The following H6PD variants were observed in gnomAD, a reference collection of about 807,000 sequenced individuals.
H6PD encodes GDH/6PGL endoplasmic bifunctional protein.
Under a neutral mutation model 61.2 loss-of-function variants are expected in H6PD, and 48 were observed. The ratio of observed to expected loss-of-function variants is 0.78; its 90% CI spans 0.62 to 1.00. The LOEUF is 1.00. Among genes scored for constraint, H6PD ranks in the 50% least tolerant of loss-of-function variants. The pLI, the probability that H6PD is intolerant of heterozygous loss-of-function variation, is 0.00. For synonymous variants in H6PD, 480 were observed against 457.9 expected, an observed-to-expected ratio of 1.05 and a Z score of -0.62; for missense variants, 1,093 against 1,065.0, an observed-to-expected ratio of 1.03 and a Z score of -0.37.
chr1:9,244,108 G>A (rs1641087012), intron 1 of H6PD, among the ~76,000 whole-genome samples: 1 of 152,160 alleles, frequency 6.6e-6, no homozygotes, highest in African/African-American at 2.4e-5. Context: ...GATTCATTGA[G>A]CTCTAATACA....
intron 3 of H6PD, among the ~76,000 whole-genome samples, chr1:9,259,762 C>T (rs1641656376): frequency 6.6e-6 from 1 of 151,198 alleles, no homozygotes; most frequent in African/African-American, 2.4e-5. Flanking sequence ...TGTTGTTACA[C>T]TGGTGTTACA....
At chr1:9,259,005 T>C (rs1194021706) in intron 3 of H6PD, among the ~76,000 whole-genome samples, 1 of 152,282 alleles carries the variant, frequency 6.6e-6, no homozygotes, top group South Asian at 2.1e-4. Flanking sequence ...TTTGTTTTTG[T>C]TTTTGAGGCA....
In H6PD at chr1:9,260,303, C is replaced by T. The variant is rs578201738; in HGVS notation, c.746-1756C>T. 3.3e-5 allele frequency among the ~76,000 whole-genome samples: 5 copies of T among 151,892 alleles called. No individual in the cohort carries two copies. In the East Asian group the frequency reaches 7.8e-4, roughly 24 times the overall value. On this transcript the variant is annotated intron_variant, in intron 3 of 4. Transcript: ENST00000377403. ...CAGTGCTGTTATGTTGCTGTTGTTA[C>T]GCCAGTGTTGTTATATTGTTGTTAC...
chr1:9,235,259 C>T (rs1190876351), intron 1 of H6PD, among the ~76,000 whole-genome samples, 193 bp downstream of exon 1: 2 of 152,100 alleles, frequency 1.3e-5, no homozygotes, highest in African/African-American at 4.8e-5. Context: ...CCGAGCTGTC[C>T]TTTCCCTGGG....
At chr1:9,239,546 A>C (rs1004356928) in intron 1 of H6PD, among the ~76,000 whole-genome samples, 3 of 152,254 alleles carry the variant, frequency 2.0e-5, no homozygotes, top group Non-Finnish European at 4.4e-5. Context: ...CAACAAAAAC[A>C]AAAACCTTGG....
chr1:9,251,170 C>T (rs1431547693), intron 3 of H6PD, among the ~76,000 whole-genome samples: 1 of 152,188 alleles, frequency 6.6e-6, no homozygotes, highest in Non-Finnish European at 1.5e-5. Flanking sequence ...CCTGGCTGGC[C>T]CTCATCATGG....
At chr1:9,237,501 G>A (rs991801208) in intron 1 of H6PD, among the ~76,000 whole-genome samples, 14 of 152,068 alleles carry the variant, frequency 9.2e-5, no homozygotes, top group African/African-American at 3.4e-4. Context: ...CCAAAGTGCT[G>A]GGATTATAGG....
chr1:9,238,897 G>A (rs762727245), intron 1 of H6PD, among the ~76,000 whole-genome samples: 5 of 152,110 alleles, frequency 3.3e-5, no homozygotes, highest in Non-Finnish European at 7.4e-5. Context: ...ATATTCTGAC[G>A]TTGGCCAACT....
chr1:9,246,480 G>A (rs887668850), intron 2 of H6PD, among the ~76,000 whole-genome samples: 1 of 152,214 alleles, frequency 6.6e-6, no homozygotes, highest in Non-Finnish European at 1.5e-5. Context: ...GTTCTGGTAC[G>A]TGGTGCGGGT....
chr1:9,251,436 CTGTTGTTGTTGT>C lies in H6PD; in HGVS notation c.745+4379_745+4390del, dbSNP rs58988268. On this transcript the variant is annotated intron_variant, in intron 3 of 4. Transcript: ENST00000377403. ...GTTTCCCCTCTGTGTAGAAGGCCTG[CTGTTGTTGTTGT>C]TGTTGTTGTTGTTGTTGTTGTTGTT... Among the ~76,000 whole-genome samples, 462 of 151,242 alleles carry C rather than the reference CTGTTGTTGTTGT, an allele frequency of 3.1e-3. 6 individuals are homozygous for C. The South Asian group carries it at 0.047, about 16-fold the overall frequency.
At chr1:9,252,252 A>G (rs1393325923) in intron 3 of H6PD, among the ~76,000 whole-genome samples, 1 of 152,202 alleles carries the variant, frequency 6.6e-6, no homozygotes, top group African/African-American at 2.4e-5. Context: ...ATATACATAC[A>G]CAGTTGTATA....
chr1:9,264,640 T>G lies in H6PD; in HGVS notation c.2147T>G (p.Val716Gly), dbSNP rs926013288. The G allele has an allele frequency of 5.6e-6, 9 of 1,612,884 alleles. No homozygotes were observed. In the African/African-American group the frequency reaches 1.2e-4, roughly 22 times the overall value. Residue 716 changes from valine (V) to glycine (G), a missense_variant, in exon 5 of 5, where the codon GTC becomes GGC. Transcript: ENST00000377403. ...SPTGLDGEQL[V>G]VLTTSPSQPH... The stretch of plus-strand genomic sequence containing the variant: ...ACTGGCCTGGATGGCGAGCAGCTGG[T>G]CGTGCTGACCACGAGCCCCTCCCAG...
chr1:9,257,996 C>T (rs781536647), intron 3 of H6PD, among the ~76,000 whole-genome samples: 3 of 152,234 alleles, frequency 2.0e-5, no homozygotes, highest in African/African-American at 7.2e-5. Context: ...GGGAGTGGAG[C>T]GGAGCTCGTG....
rs1195608605 is a variant in H6PD, at chr1:9,234,787, GC to G, written c.-289del. The G allele has an allele frequency of 1.4e-5, 2 of 146,452 alleles. No homozygotes were observed. The highest frequency in any genetic ancestry group is 3.0e-5 in the Non-Finnish European group (2 of 66,000). 9.1% of individuals were successfully genotyped at this position (146,452 alleles called of 1,614,324 possible). A position where few individuals can be genotyped will look rare whatever the true frequency, so the allele number is the denominator to read the frequency against. On this transcript the variant is annotated 5_prime_UTR_variant, in exon 1 of 5. Transcript: ENST00000377403. ...GGCCCGGGCCCCAGTCTTGCTGAGC[GC>G]AAGGCGGTGGAGGCCTGAGGCCTGA...
Position 9,235,022 on chromosome 1 carries a change from C to G in H6PD, c.-55C>G, listed in dbSNP as rs888472460. The G allele has an allele frequency of 5.4e-5, 8 of 148,282 alleles. No homozygotes were observed. The highest frequency in any genetic ancestry group is 2.0e-4 in the African/African-American group (8 of 40,908). 9.2% of individuals were successfully genotyped at this position (148,282 alleles called of 1,614,324 possible). Reference sequence around the variant, plus strand: ...GCGGGCCCGGCCCTCAGCGCCGCCCCGGCCGTGTCCCGGAGGAGCGGCCTG... The same window carrying G: ...GCGGGCCCGGCCCTCAGCGCCGCCCGGGCCGTGTCCCGGAGGAGCGGCCTG... On this transcript the variant is annotated 5_prime_UTR_variant, in exon 1 of 5. Transcript: ENST00000377403.
In H6PD at chr1:9,234,815, G is replaced by A. The variant is rs1016492771; in HGVS notation, c.-262G>A. On this transcript the variant is annotated 5_prime_UTR_variant, in exon 1 of 5. Transcript: ENST00000377403. ...AGGCGGTGGAGGCCTGAGGCCTGAG[G>A]CCTGGGGCGGGGTGGCGGCCGGGCT... 6.8e-5 allele frequency: 10 copies of A among 147,548 alleles called. No homozygotes were observed. Among genetic ancestry groups the A allele is most frequent in the African/African-American group, 2.2e-4 (9 of 40,930 alleles). The allele number at this position is 147,548 out of a possible 1,614,324, so 9.1% of individuals were successfully genotyped here.
rs536272201 is a variant in H6PD, at chr1:9,269,672, C to T, written c.*4803C>T. 6.6e-4 allele frequency: 101 copies of T among 152,390 alleles called. No homozygotes were observed. Among genetic ancestry groups the T allele is most frequent in the African/African-American group, 2.2e-3 (91 of 41,572 alleles). The allele number at this position is 152,390 out of a possible 1,614,324, so 9.4% of individuals were successfully genotyped here. A position where few individuals can be genotyped will look rare whatever the true frequency, so the allele number is the denominator to read the frequency against. On this transcript the variant is annotated 3_prime_UTR_variant, in exon 5 of 5. Coordinates refer to ENST00000377403, the MANE Select transcript of H6PD (RefSeq NM_004285.4). The surrounding 1 kb of genome is among the most constrained non-coding windows in gnomAD (Gnocchi z 4.3). ...CCTGTTGTTGGTTTTCCTTTTGCAG[C>T]ACACTGGGCAGTCTCCCTATAAAAC...
At chr1:9,259,186 G>GT (rs1469110189) in intron 3 of H6PD, among the ~76,000 whole-genome samples, 1 of 152,166 alleles carries the variant, frequency 6.6e-6, no homozygotes, top group Non-Finnish European at 1.5e-5. Context: ...TAGAGACGGG[G>GT]TTTCACCATG....
rs565525450 is a variant in H6PD, at chr1:9,239,701, T to C, written c.-11+4635T>C. On this transcript the variant is annotated intron_variant, in intron 1 of 4. Transcript: ENST00000377403. ...ATGATTTGAAGAAAATTTCCCTTCC[T>C]CCTGCCTGGCGCACAGAAGGTAACG... 3.2e-5 allele frequency: 11 copies of C among 343,852 alleles called. No homozygotes were observed. The East Asian group carries it at 4.4e-4, about 14-fold the overall frequency. 21.3% of individuals were successfully genotyped at this position (343,852 alleles called of 1,614,324 possible).
Sources: allele counts gnomAD v4.1 joint callset (sites outside exome capture counted in the v4.1 genomes callset), GRCh38; gene constraint gnomAD v4.1.1; non-coding constraint Gnocchi (gnomAD v3.1); transcripts MANE v1.5; gene names NCBI Gene and HGNC (gene_info 2026-07-23, HGNC 2026-07-21).